SLC9A7: variants seen among roughly 807,000 people sequenced by gnomAD.
SLC9A7 encodes the protein solute carrier family 9 member A7.
SLC9A7 carries 19 observed loss-of-function variants against 52.6 expected under a neutral mutation model. That is an observed-to-expected ratio of 0.36 (90% confidence interval 0.25 to 0.53). The LOEUF is 0.53. SLC9A7 is among the 20% of genes least tolerant of loss of function. The probability of loss-of-function intolerance (pLI) is 0.91; values close to 1 mark genes in which losing one functional copy is unlikely to be tolerated. For missense variants in SLC9A7, 455 were observed against 597.9 expected (o/e 0.76, Z 2.49); for synonymous variants, 226 against 252.1 (o/e 0.90, Z 0.98).
rs1387921079 is a variant in SLC9A7, at chrX:46,742,424, GA to G, written c.325+16280del. On this transcript the variant is annotated intron_variant, in intron 1 of 16. Transcript: ENST00000616978. ...CATTCATAAAATGGAATCCCACAGA[GA>G]AAAAAAAAAAGACCTAATTATAGAT... 8.0e-3 allele frequency among the ~76,000 whole-genome samples: 803 copies of G among 100,374 alleles called. 5 individuals carry two copies. The highest frequency in any genetic ancestry group is 0.026 in the African/African-American group (712 of 27,829). The allele number at this position is 100,374 out of a possible 115,157, so 87.2% of individuals were successfully genotyped here.
chrX:46,637,115 T>C (rs1943333875), intron 12 of SLC9A7, among the ~76,000 whole-genome samples: 1 of 112,351 alleles, frequency 8.9e-6, no homozygotes, highest in Non-Finnish European at 1.9e-5. Context: ...ATGTGTCAGA[T>C]GATACATTGA....
chrX:46,607,253 C>T, intron 16 of SLC9A7, 50 bp from the exon 17 acceptor site: 7 of 1,170,959 alleles, frequency 6.0e-6, no homozygotes, highest in Non-Finnish European at 6.9e-6. Flanking sequence ...CTGATATCTT[C>T]CAGGTTTGGC....
intron 16 of SLC9A7, among the ~76,000 whole-genome samples, chrX:46,609,735 AC>A (rs1358240464): frequency 9.1e-6 from 1 of 109,676 alleles, no homozygotes; most frequent in East Asian, 2.9e-4. Context: ...ACAAAAAAAA[AC>A]CCATGGAGAG....
chrX:46,746,225 A>C (rs893436164), intron 1 of SLC9A7, among the ~76,000 whole-genome samples: 4 of 110,688 alleles, frequency 3.6e-5, no homozygotes, highest in Non-Finnish European at 5.7e-5. Flanking sequence ...GCTACTCGGG[A>C]GGCTGAGGCA....
chrX:46,631,538 C>T lies in SLC9A7; in HGVS notation c.1740+48G>A, dbSNP rs748578731. 17 of 1,066,388 alleles carry T rather than the reference C, an allele frequency of 1.6e-5. No individual in the cohort carries two copies. The East Asian group carries it at 3.9e-4, about 25-fold the overall frequency. 87.9% of individuals were successfully genotyped at this position (1,066,388 alleles called of 1,213,427 possible). A position where few individuals can be genotyped will look rare whatever the true frequency, so the allele number is the denominator to read the frequency against. On this transcript the variant is annotated intron_variant, in intron 14 of 16. Transcript: ENST00000616978. Reference sequence around the variant, plus strand: ...TCTAGGTAAAGTGCCTGGCATGTGGCGAATGCTCAAATGTCTTCCCCAGGA... The same window carrying T: ...TCTAGGTAAAGTGCCTGGCATGTGGTGAATGCTCAAATGTCTTCCCCAGGA...
intron 13 of SLC9A7, among the ~76,000 whole-genome samples, chrX:46,632,426 T>TC (rs990126850): frequency 2.7e-5 from 3 of 111,343 alleles, no homozygotes; most frequent in African/African-American, 9.8e-5. Flanking sequence ...GGGTTCTTCA[T>TC]CCCCCCACAA....
chrX:46,617,391 T>C (rs1182098175), intron 15 of SLC9A7, among the ~76,000 whole-genome samples: 2 of 111,877 alleles, frequency 1.8e-5, no homozygotes, highest in African/African-American at 3.2e-5. Flanking sequence ...TTAGTTTTTC[T>C]CTTCATCAGG....
At chrX:46,633,418 C>A (rs1179889034) in intron 13 of SLC9A7, among the ~76,000 whole-genome samples, 1 of 67,882 alleles carries the variant, frequency 1.5e-5, no homozygotes, top group East Asian at 5.3e-4. Context: ...ATGTTTTGCA[C>A]TTTTTTTCCC....
chrX:46,631,591 G>T lies in SLC9A7; in HGVS notation c.1735C>A (p.Gln579Lys), dbSNP rs1156917779. The T allele has an allele frequency of 3.3e-6, 4 of 1,206,974 alleles. No homozygotes were observed. The African/African-American group carries it at 7.0e-5, about 21-fold the overall frequency. Residue 579 changes from glutamine (Q) to lysine (K), a missense_variant, in exon 14 of 17, where the codon CAA (glutamine) becomes AAA (lysine). Transcript: ENST00000616978. ...AAGCATCTCTTGTGACTTACCCCTT[G>T]TAAGACTTGAAAGCTGTCGTTGTTG... ...PPNNDSFQVL[Q>K]GDGPDSARGN...
intron 15 of SLC9A7, among the ~76,000 whole-genome samples, chrX:46,618,671 T>C (rs1942992145): frequency 8.9e-6 from 1 of 112,341 alleles, no homozygotes; most frequent in Non-Finnish European, 1.9e-5. Flanking sequence ...AGGCTGGGTA[T>C]GGTGGCTCAC....
At chrX:46,695,882 T>TATA (rs1309404135) in intron 1 of SLC9A7, among the ~76,000 whole-genome samples, 5 of 111,829 alleles carry the variant, frequency 4.5e-5, no homozygotes. Context: ...ATGAAATATA[T>TATA]AACAAGAGTT....
intron 7 of SLC9A7, among the ~76,000 whole-genome samples, chrX:46,658,428 C>T (rs1943746857): frequency 1.8e-5 from 2 of 109,626 alleles, no homozygotes; most frequent in African/African-American, 6.7e-5. Context: ...ATTAATGAAT[C>T]CAGGAGCTAG....
At chrX:46,725,538 T>C (rs1246337330) in intron 1 of SLC9A7, 1 of 947,449 alleles carries the variant, frequency 1.1e-6, no homozygotes, top group Non-Finnish European at 1.5e-6. Flanking sequence ...CTGGATGGTA[T>C]AATTGGCTTG....
At chrX:46,699,301 C>T (rs144938931) in intron 1 of SLC9A7, among the ~76,000 whole-genome samples, 296 of 111,681 alleles carry the variant, frequency 2.7e-3, no homozygotes, top group African/African-American at 9.2e-3. Flanking sequence ...GGGTGAGACA[C>T]CAGGAAGAAC....
intron 14 of SLC9A7, among the ~76,000 whole-genome samples, chrX:46,629,199 G>A (rs945429383): frequency 2.7e-5 from 3 of 111,489 alleles, no homozygotes; most frequent in Non-Finnish European, 3.8e-5. Flanking sequence ...GGAGTGCAGC[G>A]CGAGTGGCTG....
intron 7 of SLC9A7, among the ~76,000 whole-genome samples, chrX:46,656,571 G>A (rs1943697881): frequency 8.9e-6 from 1 of 112,514 alleles, no homozygotes; most frequent in African/African-American, 3.2e-5. Flanking sequence ...ACTACGTGAA[G>A]AATGCAGAAG....
chrX:46,665,053 C>A (rs1253550918), intron 5 of SLC9A7, among the ~76,000 whole-genome samples: 1 of 111,268 alleles, frequency 9.0e-6, no homozygotes, highest in Non-Finnish European at 1.9e-5. Context: ...CTGTGCCTGA[C>A]CACGGGGGTG....
At chrX:46,657,024 T>C (rs1437320866) in intron 7 of SLC9A7, among the ~76,000 whole-genome samples, 2 of 107,600 alleles carry the variant, frequency 1.9e-5, no homozygotes, top group Admixed American at 1.0e-4. Flanking sequence ...AGCGGATCTC[T>C]CGGCAGAAAC....
In SLC9A7 at chrX:46,606,684, A is replaced by ATTTT; in HGVS notation, c.*264_*267dup. The ATTTT allele has an allele frequency of 8.9e-6, 9 of 1,009,758 alleles. No homozygotes were observed. The highest frequency in any genetic ancestry group is 1.9e-5 in the African/African-American group (1 of 51,635). The allele number at this position is 1,009,758 out of a possible 1,213,427, so 83.2% of individuals were successfully genotyped here. A position where few individuals can be genotyped will look rare whatever the true frequency, so the allele number is the denominator to read the frequency against. On this transcript the variant is annotated 3_prime_UTR_variant, in exon 17 of 17. Coordinates refer to ENST00000616978, the MANE Select transcript of SLC9A7 (RefSeq NM_001257291.2). ...AATTAGGAGACCATTAAAGCATGCT[A>ATTTT]TTTTTTTTTGTTTGTTTAACTCTGA...
Sources: gnomAD v4.1 joint callset for allele counts (sites outside exome capture counted in the v4.1 genomes callset) on GRCh38, gnomAD v4.1.1 for gene constraint, MANE v1.5 for transcripts, NCBI Gene and HGNC (gene_info 2026-07-23, HGNC 2026-07-21) for gene names.